Variants in NARS2 observed in about 807,000 individuals in gnomAD.
NARS2 encodes asparaginyl-tRNA synthetase.
In NARS2, 60 loss-of-function variants were observed where a neutral mutation model predicts 62.9. The observed-to-expected ratio is 0.95, with a 90% CI of 0.77 to 1.18. The LOEUF is 1.18. Among genes scored for constraint, NARS2 ranks in the 50% most tolerant of loss-of-function variants. NARS2 has a pLI of 0.00. For synonymous variants in NARS2, 196 were observed against 200.0 expected (o/e 0.98, Z 0.17); for missense variants, 619 against 576.4 (o/e 1.07, Z -0.76).
At chr11:78,563,825 G>A (rs1163138374) in intron 4 of NARS2, among the ~76,000 whole-genome samples, 1 of 35,888 alleles carries the variant, frequency 2.8e-5, no homozygotes, top group Non-Finnish European at 4.2e-5. Context: ...AGTGAACTCT[G>A]TATCAAAAAA....
chr11:78,485,046 C>T (rs576482735), intron 7 of NARS2, among the ~76,000 whole-genome samples: 32 of 152,284 alleles, frequency 2.1e-4, no homozygotes, highest in African/African-American at 6.7e-4. Context: ...CCATGGAATA[C>T]CATGCAGCCA....
chr11:78,553,841 G>C (rs994080862), intron 5 of NARS2, among the ~76,000 whole-genome samples: 4 of 152,108 alleles, frequency 2.6e-5, no homozygotes, highest in African/African-American at 9.7e-5. Context: ...GTATTGCCTA[G>C]GTTGTCTTCC....
chr11:78,568,115 C>G (rs1440690651), intron 3 of NARS2, among the ~76,000 whole-genome samples: 10 of 152,206 alleles, frequency 6.6e-5, no homozygotes. Flanking sequence ...CGGCATCACC[C>G]AACAGAACTT....
intron 5 of NARS2, among the ~76,000 whole-genome samples, chr11:78,558,822 A>G (rs972293678): frequency 6.6e-6 from 1 of 152,234 alleles, no homozygotes; most frequent in Non-Finnish European, 1.5e-5. Flanking sequence ...ACTTTGAAAA[A>G]GAAAATGATA....
At chr11:78,491,609 C>T (rs1360074465) in intron 7 of NARS2, among the ~76,000 whole-genome samples, 1 of 152,214 alleles carries the variant, frequency 6.6e-6, no homozygotes, top group Non-Finnish European at 1.5e-5. Context: ...CAACTGTTCC[C>T]ATCTGGTTTA....
intron 5 of NARS2, among the ~76,000 whole-genome samples, chr11:78,534,825 G>A (rs1453178744): frequency 2.6e-5 from 4 of 152,110 alleles, no homozygotes; most frequent in Non-Finnish European, 5.9e-5. Context: ...AAATCTGAGC[G>A]AGGACACAAA....
At chr11:78,448,213 C>G (rs1159867814) in intron 11 of NARS2, among the ~76,000 whole-genome samples, 1 of 151,678 alleles carries the variant, frequency 6.6e-6, no homozygotes, top group African/African-American at 2.4e-5. Flanking sequence ...CTTGTCAGAA[C>G]CAGACGAAAC....
intron 5 of NARS2, among the ~76,000 whole-genome samples, chr11:78,545,932 T>G (rs1855858033): frequency 6.6e-6 from 1 of 152,204 alleles, no homozygotes; most frequent in East Asian, 1.9e-4. Flanking sequence ...TCCCAATTTA[T>G]TTTTCTTCGC....
chr11:78,455,053 G>A (rs994431160), intron 11 of NARS2, among the ~76,000 whole-genome samples: 6 of 152,250 alleles, frequency 3.9e-5, no homozygotes, highest in African/African-American at 1.4e-4. Flanking sequence ...GAGATTATAA[G>A]CAAAAGTCCC....
intron 11 of NARS2, among the ~76,000 whole-genome samples, chr11:78,444,657 C>T (rs1025349310): frequency 6.7e-6 from 1 of 148,446 alleles, no homozygotes; most frequent in Non-Finnish European, 1.5e-5. Context: ...AGGTGGAGGT[C>T]ACAGCGAGCC....
At chr11:78,533,512 G>T (rs1861555949) in intron 5 of NARS2, among the ~76,000 whole-genome samples, 1 of 152,076 alleles carries the variant, frequency 6.6e-6, no homozygotes, top group South Asian at 2.1e-4. Flanking sequence ...TCTTAAACTG[G>T]CCAGATCTAA....
intron 11 of NARS2, among the ~76,000 whole-genome samples, chr11:78,450,995 T>C (rs1857952798): frequency 6.6e-6 from 1 of 152,190 alleles, no homozygotes; most frequent in South Asian, 2.1e-4. Context: ...TTGTCTTTTC[T>C]TCCTCCATGT....
At chr11:78,513,536 G>C (rs1241021277) in intron 6 of NARS2, among the ~76,000 whole-genome samples, 2 of 152,076 alleles carry the variant, frequency 1.3e-5, no homozygotes, top group Non-Finnish European at 2.9e-5. Flanking sequence ...CCAGCACTTA[G>C]GGAAGCCGAG....
At chr11:78,454,487 C>G (rs768092980) in intron 11 of NARS2, among the ~76,000 whole-genome samples, 1 of 152,128 alleles carries the variant, frequency 6.6e-6, no homozygotes, top group Non-Finnish European at 1.5e-5. Flanking sequence ...ATGCCTGTTC[C>G]CTCTTTGCCT....
chr11:78,506,271 CA>C (rs1324262361), intron 6 of NARS2, among the ~76,000 whole-genome samples: 1 of 152,220 alleles, frequency 6.6e-6, no homozygotes, highest in Non-Finnish European at 1.5e-5. Context: ...ACAATTACTT[CA>C]GCAAATTACT....
rs138167301 is a variant in NARS2 at position 78,546,798 on chromosome 11, C to T, written c.594+12741G>A. On this transcript the variant is annotated intron_variant, in intron 5 of 13. Transcript: ENST00000281038. The stretch of plus-strand genomic sequence containing the variant: ...ACAAAGTTGGAACAAAAATCAAAGA[C>T]GGAACTATAAACAAGGATCATACAC... 9.6e-3 allele frequency among the ~76,000 whole-genome samples: 1,455 copies of T among 152,248 alleles called. 10 individuals carry two copies. Among genetic ancestry groups the T allele is most frequent in the South Asian group, 0.023 (111 of 4,830 alleles).
chr11:78,451,516 C>A (rs1356761876), intron 11 of NARS2, among the ~76,000 whole-genome samples: 1 of 152,176 alleles, frequency 6.6e-6, no homozygotes, highest in Admixed American at 6.5e-5. Flanking sequence ...AGGTTGGAAA[C>A]AAGAAAGTTG....
chr11:78,537,629 T>C (rs1031551755), intron 5 of NARS2, among the ~76,000 whole-genome samples: 3 of 152,104 alleles, frequency 2.0e-5, no homozygotes, highest in African/African-American at 7.2e-5. Flanking sequence ...GAGAGGTCCA[T>C]GTCTAAAAAT....
chr11:78,542,477 T>C (rs1363812441), intron 5 of NARS2, among the ~76,000 whole-genome samples: 2 of 152,168 alleles, frequency 1.3e-5, no homozygotes, highest in Non-Finnish European at 2.9e-5. Context: ...GGCTTATTCA[T>C]TGTCAGATTG....
Sources: gnomAD v4.1 joint callset for allele counts (sites outside exome capture counted in the v4.1 genomes callset) on GRCh38, gnomAD v4.1.1 for gene constraint, MANE v1.5 for transcripts, NCBI Gene and HGNC (gene_info 2026-07-23, HGNC 2026-07-21) for gene names.